Variants in NEGR1 observed in about 807,000 individuals in gnomAD.
NEGR1 encodes IgLON family member 4.
NEGR1 carries 10 observed loss-of-function variants against 40.9 expected under a neutral mutation model. The observed-to-expected ratio is 0.24, with a 90% CI of 0.15 to 0.42. The LOEUF (loss-of-function observed/expected upper bound fraction) is 0.42. Among genes scored for constraint, NEGR1 ranks in the 10% least tolerant of loss-of-function variants. The probability of loss-of-function intolerance (pLI) is 1.00; values close to 1 mark genes in which losing one functional copy is unlikely to be tolerated. For synonymous variants in NEGR1, 185 were observed against 166.8 expected (o/e 1.11, Z -0.84); for missense variants, 352 against 438.9 (o/e 0.80, Z 1.77).
Position 71,764,023 on chromosome 1 carries a change from T to A in NEGR1, c.535+12149A>T, listed in dbSNP as rs368487489. On this transcript the variant is annotated intron_variant, in intron 3 of 6. Coordinates refer to ENST00000357731, the MANE Select transcript of NEGR1 (RefSeq NM_173808.3). ...ACAGATTATTTCCGGACAAAAGGAC[T>A]CCCCTGGCCCATGAGACCAAAAGCA... Among the ~76,000 whole-genome samples the A allele has an allele frequency of 4.6e-5, 7 of 152,214 alleles. No homozygotes were observed. The South Asian group carries it at 8.3e-4, about 18-fold the overall frequency.
intron 1 of NEGR1, among the ~76,000 whole-genome samples, chr1:71,988,495 C>A (rs1485618939): frequency 2.2e-5 from 3 of 136,502 alleles, no homozygotes; most frequent in Non-Finnish European, 4.6e-5. Flanking sequence ...GCCGAGATTG[C>A]GCCACTGCAG....
intron 4 of NEGR1, among the ~76,000 whole-genome samples, chr1:71,632,732 T>A (rs527977779): frequency 6.6e-6 from 1 of 151,972 alleles, no homozygotes; most frequent in Non-Finnish European, 1.5e-5. Flanking sequence ...GGATTTACTG[T>A]ACATCTGTTA....
rs746669258 is a variant in NEGR1, at chr1:71,987,071, T to A, written c.177-51760A>T. Among the ~76,000 whole-genome samples the A allele has an allele frequency of 4.0e-5, 6 of 149,796 alleles. No individual in the cohort carries two copies. In the South Asian group the frequency reaches 8.5e-4, roughly 21 times the overall value. On this transcript the variant is annotated intron_variant, in intron 1 of 6. Transcript: ENST00000357731. The stretch of plus-strand genomic sequence containing the variant: ...GAGCAAGAGATTTCCAGGGAGAAAC[T>A]TTTTTTTTCTGTCTGTGGAATCACA...
chr1:71,426,528 G>T (rs1054346029), intron 6 of NEGR1, among the ~76,000 whole-genome samples: 1 of 148,686 alleles, frequency 6.7e-6, no homozygotes, highest in African/African-American at 2.4e-5. Flanking sequence ...ACTGTAGGTG[G>T]TATTTCATCT....
At chr1:71,962,223 C>T (rs78470416) in intron 1 of NEGR1, among the ~76,000 whole-genome samples, 2,064 of 152,082 alleles carry the variant, frequency 0.014, 20 homozygotes, top group Middle Eastern at 0.041. Context: ...AAGGCCAAAA[C>T]AATCGCAGGC....
At chr1:72,185,199 A>G (rs1250347978) in intron 1 of NEGR1, among the ~76,000 whole-genome samples, 1 of 151,838 alleles carries the variant, frequency 6.6e-6, no homozygotes, top group African/African-American at 2.4e-5. Context: ...TATCATTATT[A>G]TTTTGTAACT....
At chr1:72,111,756 G>A (rs566102862) in intron 1 of NEGR1, among the ~76,000 whole-genome samples, 1 of 151,736 alleles carries the variant, frequency 6.6e-6, no homozygotes, top group Non-Finnish European at 1.5e-5. Flanking sequence ...CTTGATATGA[G>A]TAAGAGATTT....
chr1:71,957,776 T>A (rs1433815699), intron 1 of NEGR1, among the ~76,000 whole-genome samples: 1 of 152,190 alleles, frequency 6.6e-6, no homozygotes, highest in Non-Finnish European at 1.5e-5. Flanking sequence ...TCTCACATAA[T>A]TCCTCATGGC....
intron 2 of NEGR1, among the ~76,000 whole-genome samples, chr1:71,916,312 G>A (rs1443524631): frequency 6.6e-6 from 1 of 151,844 alleles, no homozygotes. Context: ...GAAACAAAAT[G>A]TTTTATGTTC....
chr1:71,650,607 A>G (rs544817714), intron 4 of NEGR1, among the ~76,000 whole-genome samples: 13 of 152,282 alleles, frequency 8.5e-5, no homozygotes, highest in African/African-American at 3.1e-4. Flanking sequence ...TTGTTTGCTC[A>G]TAAGCATACT....
intron 1 of NEGR1, among the ~76,000 whole-genome samples, chr1:72,110,728 A>T (rs1483617767): frequency 6.6e-6 from 1 of 151,596 alleles, no homozygotes; most frequent in African/African-American, 2.4e-5. Context: ...AATAAGACAC[A>T]CTTGAAAAAT....
At chr1:71,663,443 T>C (rs1436013290) in intron 4 of NEGR1, among the ~76,000 whole-genome samples, 1 of 152,206 alleles carries the variant, frequency 6.6e-6, no homozygotes, top group East Asian at 1.9e-4. Flanking sequence ...ACAAACTCAA[T>C]CTTTGCAATT....
At chr1:71,559,052 T>C (rs1340771743) in intron 6 of NEGR1, among the ~76,000 whole-genome samples, 4 of 147,298 alleles carry the variant, frequency 2.7e-5, no homozygotes, top group Non-Finnish European at 6.0e-5. Context: ...TATACACATA[T>C]ATATTCATGT....
intron 1 of NEGR1, among the ~76,000 whole-genome samples, chr1:72,197,846 A>C (rs2100441031): frequency 6.6e-6 from 1 of 152,180 alleles, no homozygotes; most frequent in South Asian, 2.1e-4. Flanking sequence ...AAAACAAAAT[A>C]AGACTTTCAT....
chr1:71,834,274 T>A (rs1266973676), intron 2 of NEGR1, among the ~76,000 whole-genome samples: 1 of 152,022 alleles, frequency 6.6e-6, no homozygotes, highest in Non-Finnish European at 1.5e-5. Flanking sequence ...GGCCATGGGG[T>A]CCCCAAATTA....
At chr1:71,847,099 T>C (rs1659444663) in intron 2 of NEGR1, among the ~76,000 whole-genome samples, 1 of 152,176 alleles carries the variant, frequency 6.6e-6, no homozygotes, top group African/African-American at 2.4e-5. Context: ...TCTCACAGTA[T>C]AGACCATTTG....
intron 2 of NEGR1, among the ~76,000 whole-genome samples, chr1:71,820,304 C>A (rs1374832978): frequency 6.6e-6 from 1 of 151,930 alleles, no homozygotes. Flanking sequence ...ATCCCTTTCC[C>A]AGTTTCCAGA....
intron 4 of NEGR1, among the ~76,000 whole-genome samples, chr1:71,654,424 G>T (rs1262902211): frequency 6.6e-6 from 1 of 152,232 alleles, no homozygotes; most frequent in East Asian, 1.9e-4. Flanking sequence ...AAAGCTAGGG[G>T]TTGGAAGTAG....
intron 2 of NEGR1, among the ~76,000 whole-genome samples, chr1:71,840,257 A>C (rs1352186100): frequency 6.6e-6 from 1 of 152,120 alleles, no homozygotes; most frequent in Non-Finnish European, 1.5e-5. Context: ...ACAGCTGCAA[A>C]TATGCTTAGA....
Sources: allele counts gnomAD v4.1 joint callset (sites outside exome capture counted in the v4.1 genomes callset), GRCh38; gene constraint gnomAD v4.1.1; transcripts MANE v1.5; gene names NCBI Gene and HGNC (gene_info 2026-07-23, HGNC 2026-07-21).